Variants in PRDM16 observed in about 807,000 individuals in gnomAD.
PRDM16 encodes PR/SET domain 16, also known as histone-lysine N-methyltransferase PRDM16.
A neutral mutation model predicts 110.6 loss-of-function variants in PRDM16; 23 were observed. That is an observed-to-expected ratio of 0.21 (90% CI 0.15 to 0.29). The LOEUF is 0.29. Ranked by LOEUF, PRDM16 falls within the 10% of genes least tolerant of loss-of-function variation. The pLI is 1.00. For missense variants in PRDM16, 1,615 were observed against 1,794.3 expected, an observed-to-expected ratio of 0.90 and a Z score of 1.81; for synonymous variants, 799 against 781.8, an observed-to-expected ratio of 1.02 and a Z score of -0.37.
chr1:3,432,885 G>A (rs1431853056), intron 16 of PRDM16, among the ~76,000 whole-genome samples: 2 of 152,198 alleles, frequency 1.3e-5, no homozygotes, highest in African/African-American at 4.8e-5. Context: ...CCCTGTGCTG[G>A]GGGCAGAAGG....
chr1:3,093,678 A>G (rs1236916145), intron 1 of PRDM16, among the ~76,000 whole-genome samples: 4 of 151,528 alleles, frequency 2.6e-5, no homozygotes, highest in African/African-American at 9.7e-5. Context: ...GGAGGGGCAG[A>G]CCCTAGGAAA....
chr1:3,267,212 C>G (rs2100271553), intron 3 of PRDM16, among the ~76,000 whole-genome samples: 1 of 152,304 alleles, frequency 6.6e-6, no homozygotes, highest in East Asian at 1.9e-4. Context: ...ACAAGTCTGT[C>G]TTCTCTCTTT....
At chr1:3,196,510 T>C (rs527546210) in intron 2 of PRDM16, among the ~76,000 whole-genome samples, 1 of 152,052 alleles carries the variant, frequency 6.6e-6, no homozygotes, top group East Asian at 1.9e-4. Flanking sequence ...TGGCAGAGAG[T>C]GAGGCTCACC....
intron 3 of PRDM16, among the ~76,000 whole-genome samples, chr1:3,363,976 G>T (rs1490513968): frequency 6.6e-6 from 1 of 151,752 alleles, no homozygotes; most frequent in Non-Finnish European, 1.5e-5. Flanking sequence ...CCCGCCCCCC[G>T]AGCCAGCCCG....
At chr1:3,357,101 G>A (rs1360125906) in intron 3 of PRDM16, among the ~76,000 whole-genome samples, 1 of 152,164 alleles carries the variant, frequency 6.6e-6, no homozygotes, top group Non-Finnish European at 1.5e-5. Context: ...GCTGTGCGAA[G>A]GACCCCCAGC....
At chr1:3,308,236 C>T (rs1189364228) in intron 3 of PRDM16, 1 of 152,364 alleles carries the variant, frequency 6.6e-6, no homozygotes, top group Non-Finnish European at 1.5e-5. Flanking sequence ...CCTCCCTCCT[C>T]CAACCCAGTG....
chr1:3,078,619 C>A (rs927636628), intron 1 of PRDM16, among the ~76,000 whole-genome samples: 1 of 152,238 alleles, frequency 6.6e-6, no homozygotes, highest in Non-Finnish European at 1.5e-5. Context: ...TGAGCCTCTG[C>A]CTCTCTCTTT....
chr1:3,320,680 A>C (rs1176646706), intron 3 of PRDM16, among the ~76,000 whole-genome samples: 1 of 152,028 alleles, frequency 6.6e-6, no homozygotes, highest in Admixed American at 6.6e-5. Context: ...TGCTGAACCC[A>C]CCCCCTTGGC....
At chr1:3,366,377 G>A (rs1249405247) in intron 3 of PRDM16, among the ~76,000 whole-genome samples, 3 of 152,214 alleles carry the variant, frequency 2.0e-5, no homozygotes, top group African/African-American at 2.4e-5. Context: ...TCAAGTGGAC[G>A]GCCGTGTCCC....
chr1:3,187,914 C>T (rs1029310474), intron 2 of PRDM16, among the ~76,000 whole-genome samples: 6 of 152,198 alleles, frequency 3.9e-5, no homozygotes, highest in Non-Finnish European at 7.3e-5. Flanking sequence ...TGCAGCTCTA[C>T]GGGCAGCCCC....
At chr1:3,236,514 C>T (rs1639543916) in intron 2 of PRDM16, among the ~76,000 whole-genome samples, 1 of 152,216 alleles carries the variant, frequency 6.6e-6, no homozygotes, top group African/African-American at 2.4e-5. Context: ...AGTGGGGCCT[C>T]CTGGGTACTT....
At chr1:3,109,205 C>T (rs2100634863) in intron 1 of PRDM16, among the ~76,000 whole-genome samples, 1 of 152,288 alleles carries the variant, frequency 6.6e-6, no homozygotes, top group Admixed American at 6.5e-5. Flanking sequence ...TTCTGTGTCA[C>T]AGGTTTTTGT....
intron 3 of PRDM16, among the ~76,000 whole-genome samples, chr1:3,347,228 C>T (rs1190231762): frequency 6.6e-6 from 1 of 152,242 alleles, no homozygotes; most frequent in Non-Finnish European, 1.5e-5. Flanking sequence ...CTGCACCAGG[C>T]AGACAGGCAG....
chr1:3,107,141 A>T (rs6667850), intron 1 of PRDM16, among the ~76,000 whole-genome samples: 1 of 152,178 alleles, frequency 6.6e-6, no homozygotes, highest in Non-Finnish European at 1.5e-5. Context: ...CAGGGAAGGA[A>T]GCCGAGGGCC....
At chr1:3,325,010 G>C (rs539681296) in intron 3 of PRDM16, among the ~76,000 whole-genome samples, 4 of 152,154 alleles carry the variant, frequency 2.6e-5, no homozygotes, top group Non-Finnish European at 5.9e-5. Flanking sequence ...GTAGCGCACA[G>C]TTTCTGGCCC....
intron 1 of PRDM16, among the ~76,000 whole-genome samples, chr1:3,116,370 G>T (rs1642959940): frequency 6.6e-6 from 1 of 152,174 alleles, no homozygotes; most frequent in Admixed American, 6.5e-5. Context: ...CCAATGACGG[G>T]GGGGACGCGG....
intron 4 of PRDM16, among the ~76,000 whole-genome samples, chr1:3,386,158 GCCCGGGGTC>G (rs759516736): frequency 3.3e-4 from 50 of 151,756 alleles, no homozygotes; most frequent in African/African-American, 9.7e-4. Context: ...TGCCCGGGGT[GCCCGGGGTC>G]CCCGGCCCCT....
chr1:3,199,421 G>C (rs1365975765), intron 2 of PRDM16, among the ~76,000 whole-genome samples: 2 of 152,214 alleles, frequency 1.3e-5, no homozygotes, highest in Non-Finnish European at 2.9e-5. Context: ...GCTCTGCTGA[G>C]CTTCTTGGTA....
intron 1 of PRDM16, among the ~76,000 whole-genome samples, chr1:3,140,443 C>T (rs944924704): frequency 5.3e-5 from 8 of 152,074 alleles, no homozygotes; most frequent in Non-Finnish European, 7.4e-5. Context: ...ACAGGTGATC[C>T]GGAGCCCAAG....
Sources: allele counts gnomAD v4.1 joint callset (sites outside exome capture counted in the v4.1 genomes callset), GRCh38; gene constraint gnomAD v4.1.1; transcripts MANE v1.5; gene names NCBI Gene and HGNC (gene_info 2026-07-23, HGNC 2026-07-21).